Variants in CTNNA3 observed in about 807,000 individuals in gnomAD.
The protein encoded by CTNNA3 is catenin alpha 3, also known as catenin alpha-3.
A neutral mutation model predicts 95.7 loss-of-function variants in CTNNA3; 76 were observed. That is an observed-to-expected ratio of 0.79 (90% CI 0.66 to 0.96). The LOEUF (loss-of-function observed/expected upper bound fraction) is 0.96, where lower values mean the gene tolerates loss of function less well. Ranked by LOEUF, CTNNA3 falls within the 40% of genes least tolerant of loss-of-function variation. The pLI is 0.00. For synonymous variants in CTNNA3, 431 were observed against 374.4 expected, an observed-to-expected ratio of 1.15 and a Z score of -1.74; for missense variants, 1,191 against 1,089.8, an observed-to-expected ratio of 1.09 and a Z score of -1.31.
intron 1 of CTNNA3, among the ~76,000 whole-genome samples, chr10:67,758,284 G>GTA (rs1379882537): frequency 7.2e-6 from 1 of 139,066 alleles, no homozygotes; most frequent in East Asian, 2.1e-4. Context: ...ATGTGTATAT[G>GTA]TATATACACA....
intron 9 of CTNNA3, among the ~76,000 whole-genome samples, chr10:66,637,209 T>C (rs1301713651): frequency 6.6e-6 from 1 of 152,242 alleles, no homozygotes; most frequent in East Asian, 1.9e-4. Flanking sequence ...TAATGAAAAC[T>C]GTTATTGCAA....
chr10:66,682,253 G>A (rs4460712), intron 9 of CTNNA3, among the ~76,000 whole-genome samples: 84,251 of 152,000 alleles, frequency 0.55, 24,090 homozygotes, highest in African/African-American at 0.68. Context: ...GAATGACCTC[G>A]GACTCTGTCA....
At chr10:67,192,587 T>C (rs1197360010) in intron 6 of CTNNA3, among the ~76,000 whole-genome samples, 4 of 151,868 alleles carry the variant, frequency 2.6e-5, no homozygotes. Flanking sequence ...ATGGATATTA[T>C]TAAAAAGACA....
At chr10:66,830,379 T>G (rs968626425) in intron 7 of CTNNA3, among the ~76,000 whole-genome samples, 1 of 152,164 alleles carries the variant, frequency 6.6e-6, no homozygotes, top group African/African-American at 2.4e-5. Context: ...TCCTAGAGTT[T>G]TCTTACAGGA....
intron 6 of CTNNA3, among the ~76,000 whole-genome samples, chr10:67,198,370 G>C (rs1242416816): frequency 6.6e-6 from 1 of 152,014 alleles, no homozygotes; most frequent in Non-Finnish European, 1.5e-5. Context: ...TACTTTATCA[G>C]GTCCTTTTCC....
chr10:67,262,804 T>C (rs529130452), intron 5 of CTNNA3, among the ~76,000 whole-genome samples: 2 of 152,208 alleles, frequency 1.3e-5, no homozygotes, highest in South Asian at 4.1e-4. Flanking sequence ...AAAGAAATAA[T>C]GTTAAAAATG....
At chr10:65,957,859 G>A (rs550261818) in intron 17 of CTNNA3, among the ~76,000 whole-genome samples, 64 of 152,050 alleles carry the variant, frequency 4.2e-4, no homozygotes, top group Non-Finnish European at 7.5e-4. Context: ...ACAATTATGT[G>A]TCTTGGAACT....
At chr10:67,347,458 T>TA (rs1295579862) in intron 5 of CTNNA3, among the ~76,000 whole-genome samples, 4 of 152,136 alleles carry the variant, frequency 2.6e-5, no homozygotes, top group African/African-American at 4.8e-5. Context: ...CACTTTCTGG[T>TA]AAAAAAATTC....
chr10:67,149,328 G>C (rs550017213), intron 7 of CTNNA3, among the ~76,000 whole-genome samples: 15 of 152,286 alleles, frequency 9.8e-5, no homozygotes, highest in Non-Finnish European at 1.8e-4. Flanking sequence ...GCTCACGGCT[G>C]TAATCCCAGC....
At chr10:67,576,701 C>T (rs1274568585) in intron 3 of CTNNA3, among the ~76,000 whole-genome samples, 1 of 99,852 alleles carries the variant, frequency 1.0e-5, no homozygotes, top group Admixed American at 1.3e-4. Flanking sequence ...CTATCCCTCC[C>T]CCCTCCCCCC....
intron 5 of CTNNA3, among the ~76,000 whole-genome samples, chr10:67,289,697 T>G (rs1839754102): frequency 6.6e-6 from 1 of 152,186 alleles, no homozygotes; most frequent in East Asian, 1.9e-4. Flanking sequence ...TAATCAATTA[T>G]CTTTTGATTG....
At chr10:67,617,378 G>A (rs958651672) in intron 2 of CTNNA3, among the ~76,000 whole-genome samples, 1 of 151,766 alleles carries the variant, frequency 6.6e-6, no homozygotes, top group Non-Finnish European at 1.5e-5. Context: ...TCCTGCATTA[G>A]TTTGCTAAAG....
intron 5 of CTNNA3, among the ~76,000 whole-genome samples, chr10:67,261,809 A>C (rs2132392415): frequency 6.6e-6 from 1 of 152,350 alleles, no homozygotes; most frequent in African/African-American, 2.4e-5. Flanking sequence ...TTCAGAAAAG[A>C]GAAATCAGAG....
At chr10:67,124,615 T>C (rs1424436695) in intron 7 of CTNNA3, among the ~76,000 whole-genome samples, 1 of 152,150 alleles carries the variant, frequency 6.6e-6, no homozygotes, top group Non-Finnish European at 1.5e-5. Flanking sequence ...CATTTAGTGT[T>C]CGAAATTTTA....
chr10:67,397,141 G>A (rs1407742105), intron 5 of CTNNA3, among the ~76,000 whole-genome samples: 1 of 152,152 alleles, frequency 6.6e-6, no homozygotes, highest in Admixed American at 6.5e-5. Context: ...ACAAGCAGAG[G>A]TTGGAACAGT....
At chr10:66,845,576 G>A (rs996956162) in intron 7 of CTNNA3, among the ~76,000 whole-genome samples, 36 of 151,332 alleles carry the variant, frequency 2.4e-4, no homozygotes, top group Non-Finnish European at 4.4e-4. Context: ...GGTGACAGGC[G>A]CCTGTAATCC....
intron 1 of CTNNA3, chr10:67,750,547 T>A (rs368405939): frequency 1.3e-6 from 2 of 1,578,390 alleles, no homozygotes; most frequent in East Asian, 2.2e-5. Flanking sequence ...AGAGACCCCT[T>A]GTGAGGAAAG....
chr10:67,422,584 T>C lies in CTNNA3; in HGVS notation c.579+99258A>G, dbSNP rs552142510. Among the ~76,000 whole-genome samples, 15 of 152,190 alleles carry C rather than the reference T, an allele frequency of 9.9e-5. No individual in the cohort carries two copies. The South Asian group carries it at 2.3e-3, about 23-fold the overall frequency. On this transcript the variant is annotated intron_variant, in intron 5 of 17. Coordinates refer to ENST00000433211, the MANE Select transcript of CTNNA3 (RefSeq NM_013266.4). The stretch of plus-strand genomic sequence containing the variant: ...AGAGGAGGGGCCTGGTGGGAGGTGA[T>C]TGGATCATGGGGGTGGATTTCCCCC...
intron 11 of CTNNA3, among the ~76,000 whole-genome samples, chr10:66,485,502 A>T (rs1839694342): frequency 6.6e-6 from 1 of 152,154 alleles, no homozygotes; most frequent in Non-Finnish European, 1.5e-5. Flanking sequence ...ACAGCATCCT[A>T]AAGAGGAACA....
Sources: gnomAD v4.1 joint callset for allele counts (sites outside exome capture counted in the v4.1 genomes callset) on GRCh38, gnomAD v4.1.1 for gene constraint, MANE v1.5 for transcripts, NCBI Gene and HGNC (gene_info 2026-07-23, HGNC 2026-07-21) for gene names.